The following PRKCE variants were observed in gnomAD, a reference collection of about 807,000 sequenced individuals.
PRKCE encodes the protein protein kinase C epsilon, also known as protein kinase C epsilon type.
A neutral mutation model predicts 85.4 loss-of-function variants in PRKCE; 16 were observed. The observed-to-expected ratio is 0.19, with a 90% confidence interval of 0.13 to 0.28. The LOEUF is 0.28. Among genes scored for constraint, PRKCE ranks in the 10% least tolerant of loss-of-function variants. The pLI is 1.00. For synonymous variants in PRKCE, 388 were observed against 371.5 expected, an observed-to-expected ratio of 1.04 and a Z score of -0.51; for missense variants, 573 against 975.2, an observed-to-expected ratio of 0.59 and a Z score of 5.49.
chr2:45,752,680 C>T (rs1344241326), intron 1 of PRKCE, among the ~76,000 whole-genome samples: 4 of 152,156 alleles, frequency 2.6e-5, no homozygotes, highest in Non-Finnish European at 1.5e-5. Flanking sequence ...GCATATGCTG[C>T]CCTCCTCTCA....
rs565140805 is a variant in PRKCE at position 45,681,118 on chromosome 2, G to A, written c.348+28670G>A. On this transcript the variant is annotated intron_variant, in intron 1 of 14. Transcript: ENST00000306156. ...AGCCTGGCCAAGATGCTAAAACCCC[G>A]TCTCTACTAAAAATACAAAAATTAG... Among the ~76,000 whole-genome samples the A allele has an allele frequency of 9.9e-5, 15 of 151,726 alleles. No individual in the cohort carries two copies. The South Asian group carries it at 1.9e-3, about 19-fold the overall frequency.
intron 10 of PRKCE, among the ~76,000 whole-genome samples, chr2:46,063,792 G>A (rs972963016): frequency 2.0e-5 from 3 of 152,112 alleles, no homozygotes; most frequent in Non-Finnish European, 4.4e-5. Flanking sequence ...CTCCTCTTCT[G>A]GCTAAATTGG....
At chr2:46,180,406 G>A (rs1396324552) in intron 14 of PRKCE, among the ~76,000 whole-genome samples, 1 of 152,168 alleles carries the variant, frequency 6.6e-6, no homozygotes, top group East Asian at 1.9e-4. Context: ...GCAGGTGAGC[G>A]AAAGAACTCA....
At position 46,020,300 on chromosome 2, in the gene PRKCE, C is replaced by A. The variant is rs574509732; in HGVS notation, c.1437+9783C>A. Among the ~76,000 whole-genome samples the A allele has an allele frequency of 3.3e-5, 5 of 152,226 alleles. No individual in the cohort carries two copies. In the East Asian group the frequency reaches 9.6e-4, roughly 29 times the overall value. On this transcript the variant is annotated intron_variant, in intron 10 of 14. Transcript: ENST00000306156. ...CCACCTGGCTGTGCAGCTCCATGTC[C>A]GACTGTTTCACATGTTAGCATTCCA...
chr2:45,744,481 CTTTCTTTTTCTTTCTTTCTTT>C (rs1558623781), intron 1 of PRKCE, among the ~76,000 whole-genome samples: 2 of 43,044 alleles, frequency 4.6e-5, no homozygotes, highest in Admixed American at 2.2e-4. Flanking sequence ...TTCTTTCTTT[CTTTCTTTTTCTTTCTTTCTTT>C]TCTTTCTTTC....
intron 1 of PRKCE, among the ~76,000 whole-genome samples, chr2:45,730,260 C>T (rs955882203): frequency 2.0e-5 from 3 of 152,062 alleles, no homozygotes; most frequent in African/African-American, 4.8e-5. Context: ...TCAAACAACC[C>T]TCCCATCTCA....
chr2:45,822,050 T>C (rs1346844755), intron 1 of PRKCE, among the ~76,000 whole-genome samples: 1 of 152,172 alleles, frequency 6.6e-6, no homozygotes, highest in Non-Finnish European at 1.5e-5. Context: ...CTGAAGGGCC[T>C]GGGAGAGCAG....
intron 10 of PRKCE, among the ~76,000 whole-genome samples, chr2:46,045,668 C>T (rs1439780607): frequency 6.6e-6 from 1 of 152,082 alleles, no homozygotes; most frequent in Non-Finnish European, 1.5e-5. Context: ...CACTTGGGGT[C>T]AGGAGTTCGC....
At chr2:45,699,167 C>T (rs1025639989) in intron 1 of PRKCE, among the ~76,000 whole-genome samples, 1 of 152,038 alleles carries the variant, frequency 6.6e-6, no homozygotes, top group Non-Finnish European at 1.5e-5. Flanking sequence ...CTGTCCTCCT[C>T]CCTGTCTGCT....
chr2:46,004,668 C>T lies in PRKCE; in HGVS notation c.1063+30C>T, dbSNP rs759588480. Reference sequence around the variant, plus strand: ...GACCCTCAGATTTGCTTCCTGACCTCTGAGTTCTGCCATTGGATGGACCAA... The same window carrying T: ...GACCCTCAGATTTGCTTCCTGACCTTTGAGTTCTGCCATTGGATGGACCAA... On this transcript the variant is annotated intron_variant, in intron 8 of 14. Transcript: ENST00000306156. This position sits in a 1 kb window ranked among gnomAD's most constrained non-coding sequence, Gnocchi z 4.1. 3 of 1,524,104 alleles carry T rather than the reference C, an allele frequency of 2.0e-6. No individual in the cohort carries two copies. In the South Asian group the frequency reaches 3.6e-5, roughly 18 times the overall value. The allele number at this position is 1,524,104 out of a possible 1,614,324, so 94.4% of individuals were successfully genotyped here. A position where few individuals can be genotyped will look rare whatever the true frequency, so the allele number is the denominator to read the frequency against.
At chr2:45,734,183 G>A (rs927001457) in intron 1 of PRKCE, among the ~76,000 whole-genome samples, 4 of 152,130 alleles carry the variant, frequency 2.6e-5, no homozygotes, top group Admixed American at 2.6e-4. Flanking sequence ...TGGCCAACAT[G>A]GTGAAACCCC....
intron 2 of PRKCE, among the ~76,000 whole-genome samples, chr2:45,880,693 G>T (rs1348905731): frequency 6.6e-6 from 1 of 152,116 alleles, no homozygotes; most frequent in Non-Finnish European, 1.5e-5. Context: ...CAAATATCCG[G>T]CCTCTAGGAA....
At chr2:45,981,781 C>A (rs1345558863) in intron 5 of PRKCE, among the ~76,000 whole-genome samples, 3 of 152,196 alleles carry the variant, frequency 2.0e-5, no homozygotes, top group Non-Finnish European at 4.4e-5. Context: ...AGGCGTTATG[C>A]TGTGTCCCAT....
intron 10 of PRKCE, among the ~76,000 whole-genome samples, chr2:46,029,161 G>A (rs1248709361): frequency 1.3e-5 from 2 of 151,990 alleles, no homozygotes; most frequent in Admixed American, 6.5e-5. Flanking sequence ...AGCTCTTTAC[G>A]TATGTTGATT....
intron 1 of PRKCE, among the ~76,000 whole-genome samples, chr2:45,679,007 C>T (rs1421519249): frequency 1.3e-5 from 2 of 152,120 alleles, no homozygotes; most frequent in Non-Finnish European, 2.9e-5. Flanking sequence ...AAAGACAAAA[C>T]ATGTCATTGT....
intron 1 of PRKCE, among the ~76,000 whole-genome samples, chr2:45,814,662 CG>C (rs1688899273): frequency 6.6e-6 from 1 of 152,162 alleles, no homozygotes; most frequent in African/African-American, 2.4e-5. Flanking sequence ...CTGTGCTATT[CG>C]GGGGTGTGAG....
intron 1 of PRKCE, among the ~76,000 whole-genome samples, chr2:45,721,895 GA>G (rs1204322445): frequency 6.9e-6 from 1 of 145,918 alleles, no homozygotes; most frequent in Non-Finnish European, 1.5e-5. Context: ...AAAAAAAAAA[GA>G]AACATAAATG....
intron 2 of PRKCE, among the ~76,000 whole-genome samples, chr2:45,897,672 T>C (rs1053350016): frequency 5.9e-5 from 9 of 152,172 alleles, no homozygotes. Flanking sequence ...AGAGATTATT[T>C]GTTTCCTGCC....
chr2:45,746,123 T>C (rs1233633153), intron 1 of PRKCE, among the ~76,000 whole-genome samples: 1 of 152,196 alleles, frequency 6.6e-6, no homozygotes, highest in Non-Finnish European at 1.5e-5. Flanking sequence ...TCCCTGCCCC[T>C]TCCCTCCTTC....
Sources: allele counts gnomAD v4.1 joint callset (sites outside exome capture counted in the v4.1 genomes callset), GRCh38; gene constraint gnomAD v4.1.1; non-coding constraint Gnocchi (gnomAD v3.1); transcripts MANE v1.5; gene names NCBI Gene and HGNC (gene_info 2026-07-23, HGNC 2026-07-21).